Variants in PPP6R3 observed in about 807,000 individuals in gnomAD.
PPP6R3 encodes the protein serine/threonine-protein phosphatase 6 regulatory subunit 3.
In PPP6R3, 38 loss-of-function variants were observed where a neutral mutation model predicts 110.7. The observed-to-expected ratio is 0.34, with a 90% CI of 0.26 to 0.45. The LOEUF (loss-of-function observed/expected upper bound fraction) is 0.45. Among genes scored for constraint, PPP6R3 ranks in the 20% least tolerant of loss-of-function variants. The pLI, the probability that PPP6R3 is intolerant of heterozygous loss-of-function variation, is 1.00. For missense variants in PPP6R3, 870 were observed against 1,062.4 expected, an observed-to-expected ratio of 0.82 and a Z score of 2.52; for synonymous variants, 369 against 373.5, an observed-to-expected ratio of 0.99 and a Z score of 0.14.
intron 1 of PPP6R3, among the ~76,000 whole-genome samples, chr11:68,478,278 C>T (rs1007635620): frequency 2.9e-4 from 44 of 152,224 alleles, no homozygotes; most frequent in African/African-American, 1.1e-3. Context: ...TGGGCTCAAG[C>T]AATCCTCCCA....
intron 15 of PPP6R3, among the ~76,000 whole-genome samples, chr11:68,585,321 A>G (rs2099574870): frequency 6.6e-6 from 1 of 151,996 alleles, no homozygotes; most frequent in African/African-American, 2.4e-5. Context: ...ATTTCCCACT[A>G]CCTCACATCA....
intron 1 of PPP6R3, among the ~76,000 whole-genome samples, chr11:68,464,673 T>C (rs1468236411): frequency 6.6e-6 from 1 of 152,198 alleles, no homozygotes; most frequent in African/African-American, 2.4e-5. Context: ...AAGCATTTGT[T>C]AATTGATTTT....
intron 22 of PPP6R3, chr11:68,609,528 AT>A: frequency 6.9e-7 from 1 of 1,452,084 alleles, no homozygotes; most frequent in South Asian, 1.2e-5. Context: ...TCGTGGACAT[AT>A]TATTCCCCCA....
At chr11:68,534,794 G>A (rs1014288181) in intron 2 of PPP6R3, among the ~76,000 whole-genome samples, 5 of 152,112 alleles carry the variant, frequency 3.3e-5, no homozygotes, top group Non-Finnish European at 7.4e-5. Flanking sequence ...TTTTAAGAAC[G>A]TAGAGGTGCA....
intron 1 of PPP6R3, among the ~76,000 whole-genome samples, chr11:68,504,183 G>C (rs1167513921): frequency 2.0e-5 from 3 of 152,070 alleles, no homozygotes; most frequent in South Asian, 4.1e-4. Flanking sequence ...GTCTATATCA[G>C]GTAAAGCATT....
intron 13 of PPP6R3, among the ~76,000 whole-genome samples, chr11:68,575,682 A>C (rs1188231575): frequency 6.6e-6 from 1 of 152,196 alleles, no homozygotes; most frequent in Non-Finnish European, 1.5e-5. Context: ...TAAGTTCACA[A>C]GCTACCTTAG....
rs1453821120 is a variant in PPP6R3 at position 68,500,920 on chromosome 11, A to G, written c.-157-18581A>G. On this transcript the variant is annotated intron_variant, in intron 1 of 23. Transcript: ENST00000393800. Reference sequence around the variant, plus strand: ...TAGACCAGAGCTGTTCAATACTTGAAGGGTGAGGGTTCATTTTGGAAGGCA... The same window carrying G: ...TAGACCAGAGCTGTTCAATACTTGAGGGGTGAGGGTTCATTTTGGAAGGCA... Among the ~76,000 whole-genome samples the G allele has an allele frequency of 3.3e-5, 5 of 152,346 alleles. No individual in the cohort carries two copies. In the East Asian group the frequency reaches 7.7e-4, roughly 23 times the overall value.
intron 1 of PPP6R3, among the ~76,000 whole-genome samples, chr11:68,463,755 T>C (rs956097265): frequency 7.2e-5 from 11 of 152,230 alleles, no homozygotes; most frequent in Admixed American, 2.0e-4. Flanking sequence ...TTTCCTTTCT[T>C]AACTTCAAAT....
chr11:68,532,043 G>C (rs890860226), intron 2 of PPP6R3, among the ~76,000 whole-genome samples: 2 of 152,204 alleles, frequency 1.3e-5, no homozygotes, highest in Non-Finnish European at 2.9e-5. Flanking sequence ...TGATGTTCTT[G>C]TTCTACCTCT....
At chr11:68,512,688 A>T (rs1249109143) in intron 1 of PPP6R3, among the ~76,000 whole-genome samples, 1 of 152,192 alleles carries the variant, frequency 6.6e-6, no homozygotes, top group Admixed American at 6.5e-5. Context: ...TTAACTAAGG[A>T]GTACCTAGAA....
At chr11:68,528,440 G>T (rs947217574) in intron 2 of PPP6R3, among the ~76,000 whole-genome samples, 3 of 145,620 alleles carry the variant, frequency 2.1e-5, no homozygotes, top group Non-Finnish European at 4.5e-5. Context: ...GTGTGGGGGG[G>T]GGGGCTGCAC....
intron 1 of PPP6R3, among the ~76,000 whole-genome samples, chr11:68,486,728 C>T (rs956335027): frequency 6.6e-6 from 1 of 151,824 alleles, no homozygotes; most frequent in African/African-American, 2.4e-5. Flanking sequence ...CCCATGTGCG[C>T]CTAGTGCTTT....
intron 18 of PPP6R3, among the ~76,000 whole-genome samples, chr11:68,593,054 T>A (rs1386976888): frequency 1.3e-5 from 2 of 152,202 alleles, no homozygotes; most frequent in Non-Finnish European, 2.9e-5. Flanking sequence ...TGACGTAAAC[T>A]GCATTTATTT....
chr11:68,552,527 A>AT, intron 6 of PPP6R3, among the ~76,000 whole-genome samples: 1 of 152,322 alleles, frequency 6.6e-6, no homozygotes, highest in South Asian at 2.1e-4. Flanking sequence ...TTGTGGACAC[A>AT]TCCAGTGCAG....
At chr11:68,601,387 TTGG>T (rs1287814392) in intron 20 of PPP6R3, among the ~76,000 whole-genome samples, 1 of 152,184 alleles carries the variant, frequency 6.6e-6, no homozygotes, top group Non-Finnish European at 1.5e-5. Context: ...GCTCAGGCAT[TTGG>T]TGTTTTTTTA....
chr11:68,574,426 G>C (rs1036645658), intron 13 of PPP6R3, among the ~76,000 whole-genome samples: 2 of 152,156 alleles, frequency 1.3e-5, no homozygotes, highest in East Asian at 3.9e-4. Context: ...TGTAGTTACA[G>C]ACCATTCCAT....
chr11:68,557,513 CTTTTTT>C (rs1208252549), intron 7 of PPP6R3, among the ~76,000 whole-genome samples: 2 of 151,458 alleles, frequency 1.3e-5, no homozygotes, highest in African/African-American at 4.9e-5. Flanking sequence ...TTTTCTTTTT[CTTTTTT>C]TTCTTTTTTC....
Position 68,600,326 on chromosome 11 carries a change from C to G in PPP6R3, c.2039-15C>G, listed in dbSNP as rs369347303. Reference sequence around the variant, plus strand: ...CTGAAGTGTTTTCCAAATAGAATTTCTCCCCTCTTTTTAGCACCCAACTGG... The same window carrying G: ...CTGAAGTGTTTTCCAAATAGAATTTGTCCCCTCTTTTTAGCACCCAACTGG... On this transcript the variant is annotated splice_polypyrimidine_tract_variant and intron_variant, in intron 19 of 23. Transcript: ENST00000393800. 1.3e-5 allele frequency: 21 copies of G among 1,610,856 alleles called. No homozygotes were observed. In the African/African-American group the frequency reaches 2.5e-4, roughly 19 times the overall value.
chr11:68,500,780 AC>A (rs1367519273), intron 1 of PPP6R3, among the ~76,000 whole-genome samples: 2 of 152,150 alleles, frequency 1.3e-5, no homozygotes, highest in African/African-American at 4.8e-5. Flanking sequence ...TCAGCCTAAA[AC>A]TTTTATCTGA....
Sources: gnomAD v4.1 joint callset for allele counts (sites outside exome capture counted in the v4.1 genomes callset) on GRCh38, gnomAD v4.1.1 for gene constraint, MANE v1.5 for transcripts, NCBI Gene and HGNC (gene_info 2026-07-23, HGNC 2026-07-21) for gene names.